Variants in PDE8A observed in about 807,000 individuals in gnomAD.
PDE8A encodes high affinity cAMP-specific and IBMX-insensitive 3',5'-cyclic phosphodiesterase 8A.
Under a neutral mutation model 105.0 loss-of-function variants are expected in PDE8A, and 59 were observed. That is an observed-to-expected ratio of 0.56 (90% CI 0.46 to 0.70). PDE8A has a LOEUF of 0.70. PDE8A is among the 30% of genes least tolerant of loss of function. The pLI is 0.00. For missense variants in PDE8A, 1,014 were observed against 1,045.9 expected (o/e 0.97, Z 0.42); for synonymous variants, 355 against 371.9 (o/e 0.95, Z 0.52).
chr15:85,062,671 T>G (rs549064208), intron 1 of PDE8A: 25 of 152,350 alleles, frequency 1.6e-4, no homozygotes, highest in African/African-American at 5.8e-4. Context: ...CAGGTTGCTT[T>G]AGGAACACAT....
chr15:85,022,128 C>A (rs966974685), intron 1 of PDE8A, among the ~76,000 whole-genome samples: 2 of 152,170 alleles, frequency 1.3e-5, no homozygotes, highest in Non-Finnish European at 2.9e-5. Context: ...CGGATAGTTG[C>A]CAAATGGTGA....
At chr15:85,067,247 T>C in intron 3 of PDE8A, 43 bp downstream of exon 3, 1 of 1,339,516 alleles carries the variant, frequency 7.5e-7, no homozygotes. Context: ...TTGGCCTTTC[T>C]GACAATACAT....
At chr15:85,033,587 A>G (rs1298834669) in intron 1 of PDE8A, among the ~76,000 whole-genome samples, 1 of 152,106 alleles carries the variant, frequency 6.6e-6, no homozygotes, top group Admixed American at 6.6e-5. Context: ...GGTCCAAGCC[A>G]GGCGTGGTGG....
chr15:85,110,093 T>C lies in PDE8A; in HGVS notation c.1114+963T>C, dbSNP rs16974874. Among the ~76,000 whole-genome samples, 7 of 152,150 alleles carry C rather than the reference T, an allele frequency of 4.6e-5. No homozygotes were observed. In the East Asian group the frequency reaches 9.6e-4, roughly 21 times the overall value. On this transcript the variant is annotated intron_variant, in intron 12 of 21. Coordinates refer to ENST00000394553, the MANE Select transcript of PDE8A (RefSeq NM_002605.3). The stretch of plus-strand genomic sequence containing the variant: ...GGATTGTGTGAGGATTCAATGAGTG[T>C]GTATGGTGCCTGGTAAGTAAGGGTA...
rs76006274 is a variant in PDE8A at position 85,093,125 on chromosome 15, G to A, written c.852+1944G>A. On this transcript the variant is annotated intron_variant, in intron 8 of 21. Transcript: ENST00000394553. ...TCTGTATGTTGTCCAGGTTGGTCTC[G>A]AACTCCTGGGCTCAAGCAGTCCGAT... 5.3e-3 allele frequency among the ~76,000 whole-genome samples: 808 copies of A among 152,180 alleles called. 3 individuals carry two copies. Among genetic ancestry groups the A allele is most frequent in the African/African-American group, 0.017 (693 of 41,526 alleles).
intron 1 of PDE8A, among the ~76,000 whole-genome samples, chr15:85,023,327 C>T (rs1328104537): frequency 6.6e-6 from 1 of 152,136 alleles, no homozygotes; most frequent in Non-Finnish European, 1.5e-5. Context: ...GTCTGCAAGG[C>T]TCTGTTATTT....
chr15:85,134,046 G>T (rs977737795), intron 20 of PDE8A, among the ~76,000 whole-genome samples: 3 of 152,210 alleles, frequency 2.0e-5, no homozygotes, highest in African/African-American at 7.2e-5. Context: ...GTTCTCACTG[G>T]TGACTTAGAT....
chr15:85,059,381 T>G lies in PDE8A; in HGVS notation c.187-4989T>G, dbSNP rs181651881. Among the ~76,000 whole-genome samples, 154 of 152,340 alleles carry G rather than the reference T, an allele frequency of 1.0e-3. 1 individual carries two copies. The highest frequency in any genetic ancestry group is 3.4e-4 in the Non-Finnish European group (23 of 68,032). On this transcript the variant is annotated intron_variant, in intron 1 of 21. Coordinates refer to ENST00000394553, the MANE Select transcript of PDE8A (RefSeq NM_002605.3). ...TCTGTATATGTCTATTAGATCTTGT[T>G]GGTTTATTGTGTTGCTTAAGTCTAG...
intron 1 of PDE8A, among the ~76,000 whole-genome samples, chr15:85,008,143 C>G (rs2080178377): frequency 6.6e-6 from 1 of 151,830 alleles, no homozygotes; most frequent in Non-Finnish European, 1.5e-5. Flanking sequence ...GTGGGAGAGT[C>G]AGAAGCTGGC....
At chr15:85,022,413 G>T (rs1337105519) in intron 1 of PDE8A, among the ~76,000 whole-genome samples, 1 of 142,070 alleles carries the variant, frequency 7.0e-6, no homozygotes, top group Non-Finnish European at 1.5e-5. Context: ...AGCTTTGTCT[G>T]GGTATTGGAA....
At chr15:85,018,448 C>T (rs376522658) in intron 1 of PDE8A, among the ~76,000 whole-genome samples, 4 of 152,206 alleles carry the variant, frequency 2.6e-5, no homozygotes, top group East Asian at 1.9e-4. Flanking sequence ...ACGGGCCACA[C>T]TTTAAGCAAC....
At chr15:85,020,768 A>G (rs1028951571) in intron 1 of PDE8A, among the ~76,000 whole-genome samples, 1 of 152,148 alleles carries the variant, frequency 6.6e-6, no homozygotes, top group Non-Finnish European at 1.5e-5. Flanking sequence ...GTATGTATCC[A>G]TATTATTATT....
At chr15:85,058,881 A>G (rs919007583) in intron 1 of PDE8A, among the ~76,000 whole-genome samples, 2 of 151,950 alleles carry the variant, frequency 1.3e-5, no homozygotes, top group African/African-American at 2.4e-5. Context: ...TGTATTATCT[A>G]TTCTCTATTG....
intron 2 of PDE8A, among the ~76,000 whole-genome samples, chr15:85,066,094 G>A (rs547143145): frequency 1.2e-4 from 19 of 152,182 alleles, no homozygotes; most frequent in Non-Finnish European, 2.5e-4. Flanking sequence ...TTATTTATAG[G>A]ATTAAGTATT....
chr15:85,113,430 G>A lies in PDE8A; in HGVS notation c.1168G>A (p.Glu390Lys), dbSNP rs1189780215. ...GGCCCGGATACATTCCATGACAATT[G>A]AGGCGCCCATCACCAAGGTGAAGCA... ...SMARIHSMTI[E>K]APITKVINII... Residue 390 changes from glutamate (E) to lysine (K), a missense_variant, in exon 13 of 22, where the codon GAG becomes AAG. Physicochemically the swap from Glu to Lys is moderately conservative, Grantham distance 56 (BLOSUM62 1). Transcript: ENST00000394553. 3 of 1,614,004 alleles carry A rather than the reference G, an allele frequency of 1.9e-6. No individual in the cohort carries two copies. The highest frequency in any genetic ancestry group is 2.5e-6 in the Non-Finnish European group (3 of 1,179,902).
intron 20 of PDE8A, among the ~76,000 whole-genome samples, chr15:85,131,266 T>C (rs961918674): frequency 2.0e-5 from 3 of 152,234 alleles, no homozygotes; most frequent in African/African-American, 7.2e-5. Flanking sequence ...TTGAGTTGAA[T>C]CTATTTACAC....
intron 1 of PDE8A, among the ~76,000 whole-genome samples, chr15:84,996,150 T>C (rs2079972346): frequency 6.6e-6 from 1 of 151,482 alleles, no homozygotes. Context: ...CAAGTATCTT[T>C]TTCTTTTTTT....
chr15:85,087,749 G>A (rs1326164905), intron 6 of PDE8A, among the ~76,000 whole-genome samples: 1 of 152,246 alleles, frequency 6.6e-6, no homozygotes, highest in Admixed American at 6.5e-5. Context: ...TATTGATATG[G>A]AAAGATTAAT....
chr15:85,083,590 A>G lies in PDE8A; in HGVS notation c.581A>G (p.Tyr194Cys). 6 of 1,613,540 alleles carry G rather than the reference A, an allele frequency of 3.7e-6. No individual in the cohort carries two copies. Among genetic ancestry groups the G allele is most frequent in the Non-Finnish European group, 5.1e-6 (6 of 1,179,450 alleles). The change falls in exon 6 of 22, where the codon TAC becomes TGC. Residue 194 changes from tyrosine (Y) to cysteine (C), a missense_variant. Physicochemically the swap from Tyr to Cys is radical, Grantham distance 194 (BLOSUM62 -2). Transcript: ENST00000394553. ...YVENPNIMAC[Y>C]NELLQLEFGE... ...GAAAACCCCAACATCATGGCCTGCTACAATGAACTGCTCCAGCTGGAGTTT... is the reference window on the plus strand; with the variant it reads ...GAAAACCCCAACATCATGGCCTGCTGCAATGAACTGCTCCAGCTGGAGTTT...
Sources: gnomAD v4.1 joint callset for allele counts (sites outside exome capture counted in the v4.1 genomes callset) on GRCh38, gnomAD v4.1.1 for gene constraint, MANE v1.5 for transcripts, NCBI Gene and HGNC (gene_info 2026-07-23, HGNC 2026-07-21) for gene names.